Variants in GDF2 observed in about 807,000 individuals in gnomAD.
The protein encoded by GDF2 is growth/differentiation factor 2.
A neutral mutation model predicts 16.9 loss-of-function variants in GDF2; 17 were observed. The observed-to-expected ratio is 1.00, with a 90% CI of 0.69 to 1.51. GDF2 has a LOEUF of 1.51. Ranked by LOEUF, GDF2 falls within the 40% of genes most tolerant of loss-of-function variation. GDF2 has a pLI of 0.00. For missense variants in GDF2, 523 were observed against 556.3 expected (o/e 0.94, Z 0.60); for synonymous variants, 276 against 237.6 (o/e 1.16, Z -1.49).
At position 47,325,668 on chromosome 10, in the gene GDF2, T is replaced by A; in HGVS notation, c.1174T>A (p.Cys392Ser). 6.2e-7 allele frequency: 1 copy of A among 1,611,752 alleles called. No individual in the cohort carries two copies. Among genetic ancestry groups the A allele is most frequent in the Non-Finnish European group, 8.5e-7 (1 of 1,178,294 alleles). ...GTTCCCCACAAAGGTGGGCAAGGCC[T>A]GCTGTGTGCCCACCAAACTGAGCCC... ...LKFPTKVGKA[C>S]CVPTKLSPIS... is the part of the protein sequence containing the mutation. Residue 392 changes from cysteine (C) to serine (S), a missense_variant, in exon 2 of 2, where the codon TGC becomes AGC. Cys to Ser is a moderately radical substitution (Grantham distance 112). Transcript: ENST00000581492.
In GDF2 at chr10:47,324,834, A is replaced by G; in HGVS notation, c.347-7A>G. On this transcript the variant is annotated splice_polypyrimidine_tract_variant and splice_region_variant and intron_variant, in intron 1 of 1. Coordinates refer to ENST00000581492, the MANE Select transcript of GDF2 (RefSeq NM_016204.4). ...GCAGATGCCCACCACGTGTGTTTGCATTTCAGATGCCATCTCCATAACTGC... is the reference window on the plus strand; with the variant it reads ...GCAGATGCCCACCACGTGTGTTTGCGTTTCAGATGCCATCTCCATAACTGC... 6.2e-7 allele frequency: 1 copy of G among 1,603,166 alleles called. No homozygotes were observed. Among genetic ancestry groups the G allele is most frequent in the African/African-American group, 1.3e-5 (1 of 74,874 alleles).
In GDF2 at chr10:47,322,958, C is replaced by G. The variant is rs372529223; in HGVS notation, c.290C>G (p.Thr97Arg). The G allele has an allele frequency of 1.9e-6, 3 of 1,611,658 alleles. No homozygotes were observed. Among genetic ancestry groups the G allele is most frequent in the African/African-American group, 2.7e-5 (2 of 74,890 alleles). The change falls in exon 1 of 2, where the codon ACG becomes AGG. Residue 97 changes from threonine to arginine, a missense_variant. Transcript: ENST00000581492. ...QYMIDLYNRY[T>R]SDKSTTPASN... is the part of the protein sequence containing the mutation. The stretch of plus-strand genomic sequence containing the variant: ...ATGATTGACCTGTACAACAGGTACA[C>G]GTCCGATAAGTCGACTACGCCAGCG...
Position 47,323,340 on chromosome 10 carries a change from T to C in GDF2, c.346+326T>C, listed in dbSNP as rs1249867318. On this transcript the variant is annotated intron_variant, in intron 1 of 1. Coordinates refer to ENST00000581492, the MANE Select transcript of GDF2 (RefSeq NM_016204.4). Reference sequence around the variant, plus strand: ...AGCAGGTGCACAGGGATGCCAGCTCTCTTTTTTCCACCCCTTCTCTTTACT... The same window carrying C: ...AGCAGGTGCACAGGGATGCCAGCTCCCTTTTTTCCACCCCTTCTCTTTACT... 2.0e-5 allele frequency among the ~76,000 whole-genome samples: 3 copies of C among 152,270 alleles called. No homozygotes were observed. The East Asian group carries it at 5.8e-4, about 29-fold the overall frequency.
chr10:47,322,776 C>T lies in GDF2; in HGVS notation c.108C>T (p.Asn36=), dbSNP rs146466245. The T allele has an allele frequency of 1.8e-5, 29 of 1,612,764 alleles. No individual in the cohort carries two copies. The highest frequency in any genetic ancestry group is 5.3e-5 in the African/African-American group (4 of 74,898). Residue 36 remains asparagine (N), a synonymous_variant, in exon 1 of 2, where the codon AAC becomes AAT. Transcript: ENST00000581492. ...GGGGACGAGGGTCTGCTGGGGGAAA[C>T]GCCCACAGCCCACTGGGGGTGCCTG... The part of the protein sequence containing the change: ...QSWGRGSAGG[N]AHSPLGVPGG...
Position 47,325,601 on chromosome 10 carries a change from G to T in GDF2, c.1107G>T (p.Thr369=), listed in dbSNP as rs1196442309. 1 of 1,614,010 alleles carries T rather than the reference G, an allele frequency of 6.2e-7. No individual in the cohort carries two copies. Among genetic ancestry groups the T allele is most frequent in the African/African-American group, 1.3e-5 (1 of 74,936 alleles). ...TCTTCCCCTTGGCTGACGATGTGAC[G>T]CCGACGAAACACGCTATCGTGCAGA... is the stretch of plus-strand genomic sequence containing the variant. The part of the protein sequence containing the change: ...GCFFPLADDV[T]PTKHAIVQTL... The change falls in exon 2 of 2, where the codon ACG becomes ACT. Residue 369 remains threonine (T), a synonymous_variant. Transcript: ENST00000581492.
In GDF2 at chr10:47,322,535, G is replaced by C; in HGVS notation, c.-134G>C. 3.1e-6 allele frequency: 2 copies of C among 650,430 alleles called. No homozygotes were observed. Among genetic ancestry groups the C allele is most frequent in the East Asian group, 5.6e-5 (2 of 35,940 alleles). 40.3% of individuals were successfully genotyped at this position (650,430 alleles called of 1,614,324 possible). A position where few individuals can be genotyped will look rare whatever the true frequency, so the allele number is the denominator to read the frequency against. ...CCAGCCCGGCAGCGGGTGAGAGTGGGTGCTGGCCAGGACGGTTCCTTCAGA... is the reference window on the plus strand; with the variant it reads ...CCAGCCCGGCAGCGGGTGAGAGTGGCTGCTGGCCAGGACGGTTCCTTCAGA... On this transcript the variant is annotated 5_prime_UTR_variant, in exon 1 of 2. Transcript: ENST00000581492.
rs930407931 is a variant in GDF2, at chr10:47,326,692, A to C, written c.*908A>C. Among the ~76,000 whole-genome samples, 1 of 152,220 alleles carries C rather than the reference A, an allele frequency of 6.6e-6. No homozygotes were observed. Among genetic ancestry groups the C allele is most frequent in the Admixed American group, 6.5e-5 (1 of 15,290 alleles). ...AGTGCTCCCACGGCCAGTGGTGCAC[A>C]CAGGGCCATTCACTGTCCATAGACT... On this transcript the variant is annotated 3_prime_UTR_variant, in exon 2 of 2. Coordinates refer to ENST00000581492, the MANE Select transcript of GDF2 (RefSeq NM_016204.4).
Position 47,325,036 on chromosome 10 carries a change from C to A in GDF2, c.542C>A (p.Ala181Asp). 1.9e-6 allele frequency: 3 copies of A among 1,614,026 alleles called. No homozygotes were observed. The highest frequency in any genetic ancestry group is 2.5e-6 in the Non-Finnish European group (3 of 1,180,002). The change falls in exon 2 of 2, where the codon GCC (alanine) becomes GAC (aspartate). Residue 181 changes from alanine (A) to aspartate (D), a missense_variant. By Grantham distance (126) the Ala-to-Asp change is moderately radical. Transcript: ENST00000581492. ...TATGATGTTCTGGATGGAACAGATG[C>A]CTGGGATAGTGCTACAGAGACCAAG... Reference protein sequence around the residue: ...VIYDVLDGTDAWDSATETKTF... With the variant: ...VIYDVLDGTDDWDSATETKTF...
Position 47,327,567 on chromosome 10 carries a change from G to A in GDF2, c.*1783G>A, listed in dbSNP as rs1555209244. Among the ~76,000 whole-genome samples the A allele has an allele frequency of 6.6e-6, 1 of 152,082 alleles. No individual in the cohort carries two copies. Among genetic ancestry groups the A allele is most frequent in the African/African-American group, 2.4e-5 (1 of 41,396 alleles). On this transcript the variant is annotated 3_prime_UTR_variant, in exon 2 of 2. Transcript: ENST00000581492. ...CTGTGCCTGCTTGAAAATTTCACTCGGAAATAAAGTCAAATGTCTAATTTG... is the reference window on the plus strand; with the variant it reads ...CTGTGCCTGCTTGAAAATTTCACTCAGAAATAAAGTCAAATGTCTAATTTG...
In GDF2 at chr10:47,322,783, A is replaced by G. The variant is rs1555208702; in HGVS notation, c.115A>G (p.Ser39Gly). 6.2e-7 allele frequency: 1 copy of G among 1,613,400 alleles called. No individual in the cohort carries two copies. Among genetic ancestry groups the G allele is most frequent in the South Asian group, 1.1e-5 (1 of 91,080 alleles). Residue 39 changes from serine to glycine, a missense_variant, in exon 1 of 2, where the codon AGC becomes GGC. Ser to Gly is a moderately conservative substitution (Grantham distance 56). Coordinates refer to ENST00000581492, the MANE Select transcript of GDF2 (RefSeq NM_016204.4). ...AGGGTCTGCTGGGGGAAACGCCCACAGCCCACTGGGGGTGCCTGGAGGTGG... is the reference window on the plus strand; with the variant it reads ...AGGGTCTGCTGGGGGAAACGCCCACGGCCCACTGGGGGTGCCTGGAGGTGG... ...GRGSAGGNAHSPLGVPGGGLP... is the reference protein window; with the variant it reads ...GRGSAGGNAHGPLGVPGGGLP...
Position 47,323,024 on chromosome 10 carries a change from C to A in GDF2, c.346+10C>A. 1 of 1,574,626 alleles carries A rather than the reference C, an allele frequency of 6.4e-7. No homozygotes were observed. The highest frequency in any genetic ancestry group is 2.3e-5 in the East Asian group (1 of 44,056). On this transcript the variant is annotated intron_variant, in intron 1 of 1. Transcript: ENST00000581492. ...AGCTTCAGCATGGAAGGTAGGGTCTCCGCTTGCACCATGCGCGCTGGGGTG... is the reference window on the plus strand; with the variant it reads ...AGCTTCAGCATGGAAGGTAGGGTCTACGCTTGCACCATGCGCGCTGGGGTG...
In GDF2 at chr10:47,325,143, T is replaced by C; in HGVS notation, c.649T>C (p.Ser217Pro). The part of the protein sequence containing the change: ...VSSAVKRWVR[S>P]DSTKSKNKLE... ...CAGCGCCGTGAAGCGCTGGGTCCGG[T>C]CCGACTCCACCAAGAGCAAAAATAA... The change falls in exon 2 of 2, where the codon TCC becomes CCC. Residue 217 changes from serine to proline, a missense_variant. Transcript: ENST00000581492. 1 of 1,613,856 alleles carries C rather than the reference T, an allele frequency of 6.2e-7. No individual in the cohort carries two copies. Among genetic ancestry groups the C allele is most frequent in the South Asian group, 1.1e-5 (1 of 91,070 alleles).
At chr10:47,323,834 G>C (rs1031623563) in intron 1 of GDF2, among the ~76,000 whole-genome samples, 1 of 152,232 alleles carries the variant, frequency 6.6e-6, no homozygotes, top group Non-Finnish European at 1.5e-5. Flanking sequence ...TGCTGCTGCT[G>C]TCTCCCTCTG....
rs781982746 is a variant in GDF2, at chr10:47,325,350, A to G, written c.856A>G (p.Lys286Glu). ...CCATGAACAAGAGAGCGTGCTCAAG[A>G]AGCTGTCCAAGGACGGCTCCACAGA... ...ISHEQESVLK[K>E]LSKDGSTEAG... is the part of the protein sequence containing the mutation. The change falls in exon 2 of 2, where the codon AAG becomes GAG. Residue 286 changes from lysine to glutamate, a missense_variant. Coordinates refer to ENST00000581492, the MANE Select transcript of GDF2 (RefSeq NM_016204.4). The G allele has an allele frequency of 2.3e-5, 37 of 1,614,104 alleles. No homozygotes were observed. The highest frequency in any genetic ancestry group is 3.1e-5 in the Non-Finnish European group (36 of 1,180,010).
rs555454711 is a variant in GDF2 at position 47,323,040 on chromosome 10, C to T, written c.346+26C>T. 628 of 1,528,302 alleles carry T rather than the reference C, an allele frequency of 4.1e-4. 17 individuals are homozygous for T. The South Asian group carries it at 6.9e-3, about 17-fold the overall frequency. The allele number at this position is 1,528,302 out of a possible 1,614,324, so 94.7% of individuals were successfully genotyped here. On this transcript the variant is annotated intron_variant, in intron 1 of 1. Transcript: ENST00000581492. ...GTAGGGTCTCCGCTTGCACCATGCG[C>T]GCTGGGGTGGGACTCACAGGTCCAC...
At position 47,326,173 on chromosome 10, in the gene GDF2, T is replaced by G; in HGVS notation, c.*389T>G. 1 of 180,318 alleles carries G rather than the reference T, an allele frequency of 5.5e-6. No homozygotes were observed. Among genetic ancestry groups the G allele is most frequent in the Non-Finnish European group, 1.2e-5 (1 of 86,054 alleles). The allele number at this position is 180,318 out of a possible 1,614,324, so 11.2% of individuals were successfully genotyped here. On this transcript the variant is annotated 3_prime_UTR_variant, in exon 2 of 2. Coordinates refer to ENST00000581492, the MANE Select transcript of GDF2 (RefSeq NM_016204.4). Reference sequence around the variant, plus strand: ...GGAGGCCAGCTCGCTCCAAAACCCTTGGGGAGTAGAGGGAAGGAGCAGGCC... The same window carrying G: ...GGAGGCCAGCTCGCTCCAAAACCCTGGGGGAGTAGAGGGAAGGAGCAGGCC...
rs2061109818 is a variant in GDF2 at position 47,326,985 on chromosome 10, A to G, written c.*1201A>G. ...GACAAGACTCCAGCCTTCCTGGGCG[A>G]GGCCTCTCCAGCCTCGGAAGAGCTG... On this transcript the variant is annotated 3_prime_UTR_variant, in exon 2 of 2. Transcript: ENST00000581492. Among the ~76,000 whole-genome samples, 1 of 152,210 alleles carries G rather than the reference A, an allele frequency of 6.6e-6. No homozygotes were observed. Among genetic ancestry groups the G allele is most frequent in the South Asian group, 2.1e-4 (1 of 4,832 alleles).
At position 47,326,165 on chromosome 10, in the gene GDF2, A is replaced by G. The variant is rs1393930614; in HGVS notation, c.*381A>G. 5.4e-6 allele frequency: 1 copy of G among 186,230 alleles called. No homozygotes were observed. Among genetic ancestry groups the G allele is most frequent in the African/African-American group, 2.3e-5 (1 of 42,668 alleles). 11.5% of individuals were successfully genotyped at this position (186,230 alleles called of 1,614,324 possible). ...GAGGTGGAGGAGGCCAGCTCGCTCC[A>G]AAACCCTTGGGGAGTAGAGGGAAGG... On this transcript the variant is annotated 3_prime_UTR_variant, in exon 2 of 2. Coordinates refer to ENST00000581492, the MANE Select transcript of GDF2 (RefSeq NM_016204.4).
chr10:47,324,871 T>G lies in GDF2; in HGVS notation c.377T>G (p.Phe126Cys). 1 of 1,613,110 alleles carries G rather than the reference T, an allele frequency of 6.2e-7. No homozygotes were observed. Among genetic ancestry groups the G allele is most frequent in the Admixed American group, 1.7e-5 (1 of 60,020 alleles). Reference sequence around the variant, plus strand: ...ATCTCCATAACTGCCACAGAGGACTTCCCCTTCCAGAAGCACATCTTGCTC... The same window carrying G: ...ATCTCCATAACTGCCACAGAGGACTGCCCCTTCCAGAAGCACATCTTGCTC... ...DAISITATED[F>C]PFQKHILLFN... The change falls in exon 2 of 2, where the codon TTC (phenylalanine) becomes TGC (cysteine). Residue 126 changes from phenylalanine (F) to cysteine (C), a missense_variant. Transcript: ENST00000581492.
Sources: allele counts gnomAD v4.1 joint callset (sites outside exome capture counted in the v4.1 genomes callset), GRCh38; gene constraint gnomAD v4.1.1; transcripts MANE v1.5; gene names NCBI Gene and HGNC (gene_info 2026-07-23, HGNC 2026-07-21).